Variants in EIF4G3 observed in about 807,000 individuals in gnomAD.
EIF4G3 encodes eukaryotic translation initiation factor 4 gamma 3, also known as eIF-4-gamma 3.
Under a neutral mutation model 186.4 loss-of-function variants are expected in EIF4G3, and 34 were observed. That is an observed-to-expected ratio of 0.18 (90% CI 0.14 to 0.24). EIF4G3 has a LOEUF of 0.24. EIF4G3 is among the 10% of genes least tolerant of loss of function. The pLI, the probability that EIF4G3 is intolerant of heterozygous loss-of-function variation, is 1.00. For missense variants in EIF4G3, 1,536 were observed against 1,948.5 expected (o/e 0.79, Z 3.99); for synonymous variants, 673 against 679.5 (o/e 0.99, Z 0.15).
intron 4 of EIF4G3, among the ~76,000 whole-genome samples, chr1:21,026,851 CA>C (rs1313525223): frequency 6.7e-6 from 1 of 148,414 alleles, no homozygotes; most frequent in Non-Finnish European, 1.5e-5. Flanking sequence ...GCACGATAAT[CA>C]TTTAAACCCA....
chr1:21,008,262 C>A (rs939114873), intron 4 of EIF4G3, among the ~76,000 whole-genome samples: 2 of 152,122 alleles, frequency 1.3e-5, no homozygotes, highest in Admixed American at 6.5e-5. Flanking sequence ...AAATCTAGCA[C>A]AAAGAAAACA....
chr1:20,910,582 CA>C (rs903331714), intron 14 of EIF4G3, among the ~76,000 whole-genome samples: 8 of 151,586 alleles, frequency 5.3e-5, no homozygotes, highest in African/African-American at 1.9e-4. Flanking sequence ...GACTCCGACT[CA>C]AAAAAACAAA....
chr1:20,889,579 C>T (rs2085307667), intron 18 of EIF4G3, among the ~76,000 whole-genome samples: 1 of 152,160 alleles, frequency 6.6e-6, no homozygotes, highest in South Asian at 2.1e-4. Context: ...TCACTATAAG[C>T]TCCCGGGCTT....
chr1:20,866,730 G>A (rs2077637638), intron 20 of EIF4G3, among the ~76,000 whole-genome samples: 1 of 152,096 alleles, frequency 6.6e-6, no homozygotes, highest in Non-Finnish European at 1.5e-5. Flanking sequence ...TTCAAAAGCA[G>A]GTTGGCATAC....
Position 20,827,084 on chromosome 1 carries a change from C to G in EIF4G3, c.4269+533G>C, listed in dbSNP as rs140482792. On this transcript the variant is annotated intron_variant, in intron 32 of 36. Transcript: ENST00000602326. ...GGCGTAAGTAAGTCAGAAATCACTC[C>G]AGAATCTTCATTTCTGAGTTCTGTT... is the stretch of plus-strand genomic sequence containing the variant. 2.1e-3 allele frequency among the ~76,000 whole-genome samples: 317 copies of G among 152,258 alleles called. 1 individual carries two copies. Among genetic ancestry groups the G allele is most frequent in the African/African-American group, 7.0e-3 (292 of 41,532 alleles).
chr1:21,015,981 G>A (rs2088886067), intron 4 of EIF4G3, among the ~76,000 whole-genome samples: 2 of 152,054 alleles, frequency 1.3e-5, no homozygotes, highest in Admixed American at 6.6e-5. Flanking sequence ...AAAATATAAA[G>A]TTCTCCAGCA....
chr1:21,002,647 C>A, intron 5 of EIF4G3, 66 bp downstream of exon 5: 1 of 1,494,898 alleles, frequency 6.7e-7, no homozygotes, highest in Non-Finnish European at 9.0e-7. Flanking sequence ...GCCAAAGAAA[C>A]CCAAGCCACT....
At chr1:20,902,599 A>G (rs757213400) in intron 15 of EIF4G3, among the ~76,000 whole-genome samples, 4 of 152,194 alleles carry the variant, frequency 2.6e-5, no homozygotes, top group Non-Finnish European at 5.9e-5. Context: ...CTATGTAAAA[A>G]GCAAATATTT....
chr1:21,146,531 C>G (rs1163093677), intron 2 of EIF4G3, among the ~76,000 whole-genome samples: 3 of 151,948 alleles, frequency 2.0e-5, no homozygotes, highest in African/African-American at 7.3e-5. Flanking sequence ...GAGGCCAAAG[C>G]AGGTGAATCA....
Position 21,176,352 on chromosome 1 carries a change from G to T in EIF4G3, c.-449C>A. 3.9e-6 allele frequency: 1 copy of T among 257,066 alleles called. No homozygotes were observed. The highest frequency in any genetic ancestry group is 7.2e-6 in the Non-Finnish European group (1 of 139,692). 15.9% of individuals were successfully genotyped at this position (257,066 alleles called of 1,614,324 possible). On this transcript the variant is annotated 5_prime_UTR_variant, in exon 2 of 37. Transcript: ENST00000602326. ...GCCGGGTCCGGTTCCTGCTGCAGTC[G>T]CTGTGCCTGATTTCAGAGCCGGTTT...
intron 3 of EIF4G3, among the ~76,000 whole-genome samples, chr1:21,069,521 A>G (rs1440092661): frequency 2.0e-5 from 3 of 152,148 alleles, no homozygotes; most frequent in African/African-American, 4.8e-5. Context: ...CTCATTCAAT[A>G]TATGTTTTCT....
At chr1:20,892,668 C>G in intron 18 of EIF4G3, 5 of 1,536,036 alleles carry the variant, frequency 3.3e-6, no homozygotes, top group Non-Finnish European at 4.4e-6. Flanking sequence ...CAGTGGAGGG[C>G]AAGTTGGGGC....
At chr1:21,080,377 T>C (rs978130614) in intron 3 of EIF4G3, among the ~76,000 whole-genome samples, 1 of 151,370 alleles carries the variant, frequency 6.6e-6, no homozygotes, top group Non-Finnish European at 1.5e-5. Context: ...AGAGGAATTA[T>C]CTGTAGTCAG....
At chr1:20,919,831 T>C (rs914910095) in intron 14 of EIF4G3, among the ~76,000 whole-genome samples, 1 of 152,188 alleles carries the variant, frequency 6.6e-6, no homozygotes, top group Non-Finnish European at 1.5e-5. Context: ...GTTGTAATGA[T>C]GTAGGCTATC....
intron 29 of EIF4G3, among the ~76,000 whole-genome samples, chr1:20,843,271 G>A (rs1350239983): frequency 2.0e-5 from 3 of 151,956 alleles, no homozygotes; most frequent in Non-Finnish European, 2.9e-5. Context: ...ATCCCAGCAC[G>A]TTGGGAGGCC....
chr1:21,137,335 GA>G (rs1304612092), intron 2 of EIF4G3, among the ~76,000 whole-genome samples: 1 of 151,838 alleles, frequency 6.6e-6, no homozygotes, highest in Non-Finnish European at 1.5e-5. Flanking sequence ...TTGTAGAGAC[GA>G]GGTCTCACTA....
chr1:20,979,768 T>C (rs934854759), intron 10 of EIF4G3, among the ~76,000 whole-genome samples: 8 of 151,870 alleles, frequency 5.3e-5, no homozygotes, highest in African/African-American at 1.7e-4. Flanking sequence ...TTTTTTTTTT[T>C]TGAGATGGAG....
At chr1:21,118,737 G>C (rs1466386676) in intron 2 of EIF4G3, among the ~76,000 whole-genome samples, 1 of 149,652 alleles carries the variant, frequency 6.7e-6, no homozygotes, top group South Asian at 2.1e-4. Flanking sequence ...AGTGAGGCAA[G>C]ATCGTGCCAC....
At chr1:20,812,445 A>G (rs1405288958) in intron 35 of EIF4G3, among the ~76,000 whole-genome samples, 1 of 152,250 alleles carries the variant, frequency 6.6e-6, no homozygotes, top group East Asian at 1.9e-4. Context: ...TTAAATTACA[A>G]TTCTGAAGCT....
Sources: gnomAD v4.1 joint callset for allele counts (sites outside exome capture counted in the v4.1 genomes callset) on GRCh38, gnomAD v4.1.1 for gene constraint, MANE v1.5 for transcripts, NCBI Gene and HGNC (gene_info 2026-07-23, HGNC 2026-07-21) for gene names.